The following ARHGAP32 variants were observed in gnomAD, a reference collection of about 807,000 sequenced individuals.
The protein encoded by ARHGAP32 is rho GTPase-activating protein 32.
Under a neutral mutation model 186.5 loss-of-function variants are expected in ARHGAP32, and 51 were observed. That is an observed-to-expected ratio of 0.27 (90% confidence interval 0.22 to 0.35). The LOEUF is 0.35. ARHGAP32 is among the 10% of genes least tolerant of loss of function. The pLI is 1.00. For synonymous variants in ARHGAP32, 950 were observed against 964.3 expected, an observed-to-expected ratio of 0.99 and a Z score of 0.27; for missense variants, 2,186 against 2,623.5, an observed-to-expected ratio of 0.83 and a Z score of 3.64.
In ARHGAP32 at chr11:129,018,875, C is replaced by A. The variant is rs192879669; in HGVS notation, c.1046-20407G>T. Among the ~76,000 whole-genome samples, 104 of 152,206 alleles carry A rather than the reference C, an allele frequency of 6.8e-4. 1 individual carries two copies. Among genetic ancestry groups the A allele is most frequent in the South Asian group, 5.4e-3 (26 of 4,816 alleles). Reference sequence around the variant, plus strand: ...TACAAGTATTCTATAGAAAAATATACCCTTTTGAAACTTTTCCTTTTTATA... The same window carrying A: ...TACAAGTATTCTATAGAAAAATATAACCTTTTGAAACTTTTCCTTTTTATA... On this transcript the variant is annotated intron_variant, in intron 11 of 22. Coordinates refer to ENST00000682385, the MANE Select transcript of ARHGAP32 (RefSeq NM_001378024.1).
At chr11:128,975,091 A>T (rs1412167136) in intron 20 of ARHGAP32, 89 bp from the exon 21 acceptor site, 1 of 1,038,230 alleles carries the variant, frequency 9.6e-7, no homozygotes. Context: ...GCAGTAACTT[A>T]CTATCTAGGT....
intron 12 of ARHGAP32, among the ~76,000 whole-genome samples, chr11:128,997,073 C>A (rs539508992): frequency 3.9e-5 from 6 of 152,080 alleles, no homozygotes; most frequent in Non-Finnish European, 8.8e-5. Context: ...GCTACTGCAC[C>A]CAGTGAAAAC....
At chr11:129,101,918 G>A (rs1029569450) in intron 5 of ARHGAP32, among the ~76,000 whole-genome samples, 2 of 152,178 alleles carry the variant, frequency 1.3e-5, no homozygotes, top group African/African-American at 4.8e-5. Flanking sequence ...ATTCTCCAAG[G>A]TCGAAATGAA....
intron 1 of ARHGAP32, among the ~76,000 whole-genome samples, chr11:129,264,620 G>A (rs1945369678): frequency 6.6e-6 from 1 of 152,200 alleles, no homozygotes; most frequent in Admixed American, 6.5e-5. Context: ...GGCTCTCCTT[G>A]AAGCTCAAGC....
At chr11:129,028,055 T>C (rs1008170423) in intron 11 of ARHGAP32, among the ~76,000 whole-genome samples, 1 of 152,258 alleles carries the variant, frequency 6.6e-6, no homozygotes, top group African/African-American at 2.4e-5. Context: ...TTTTGGTAAC[T>C]ATAATGAAAA....
chr11:129,200,377 C>T (rs1944442908), intron 1 of ARHGAP32, among the ~76,000 whole-genome samples: 1 of 152,054 alleles, frequency 6.6e-6, no homozygotes, highest in Non-Finnish European at 1.5e-5. Context: ...TGGGAGGGAC[C>T]CAGTGGGTGA....
intron 1 of ARHGAP32, among the ~76,000 whole-genome samples, chr11:129,268,875 T>G (rs1225242686): frequency 6.6e-6 from 1 of 152,126 alleles, no homozygotes; most frequent in Non-Finnish European, 1.5e-5. Flanking sequence ...CTAGCACCTC[T>G]CTATCATCAA....
intron 1 of ARHGAP32, chr11:129,203,190 T>G (rs1482385268): frequency 6.6e-6 from 1 of 152,206 alleles, no homozygotes; most frequent in Non-Finnish European, 1.5e-5. Context: ...TCGAATCTAG[T>G]GATCTTAGGA....
chr11:129,141,013 T>G (rs1212435246), intron 2 of ARHGAP32, among the ~76,000 whole-genome samples: 1 of 152,208 alleles, frequency 6.6e-6, no homozygotes, highest in African/African-American at 2.4e-5. Flanking sequence ...TTCCTTTACC[T>G]ATGGCAACTC....
chr11:129,203,851 T>C (rs865827727), intron 1 of ARHGAP32, among the ~76,000 whole-genome samples: 2 of 149,956 alleles, frequency 1.3e-5, no homozygotes, highest in South Asian at 2.1e-4. Context: ...TGAGCTGTGA[T>C]TGTGCCACTA....
chr11:128,992,225 C>T (rs1005148370), intron 12 of ARHGAP32, among the ~76,000 whole-genome samples: 1 of 152,108 alleles, frequency 6.6e-6, no homozygotes, highest in African/African-American at 2.4e-5. Context: ...ACAGAGAGTC[C>T]TCTCCGAGGG....
At chr11:129,181,511 C>T (rs904496061) in intron 1 of ARHGAP32, among the ~76,000 whole-genome samples, 1 of 152,092 alleles carries the variant, frequency 6.6e-6, no homozygotes, top group Non-Finnish European at 1.5e-5. Context: ...AATAAATTTT[C>T]CTACTTTTCA....
intron 5 of ARHGAP32, among the ~76,000 whole-genome samples, chr11:129,111,951 G>A (rs952903502): frequency 1.3e-5 from 2 of 151,940 alleles, no homozygotes; most frequent in African/African-American, 4.8e-5. Flanking sequence ...TAGTAGAGAT[G>A]GGGTTTCACC....
chr11:129,013,945 C>T (rs1021306016), intron 11 of ARHGAP32, among the ~76,000 whole-genome samples: 1 of 152,170 alleles, frequency 6.6e-6, no homozygotes, highest in African/African-American at 2.4e-5. Context: ...CTACAGAACA[C>T]TGGCAAGCAA....
At chr11:129,194,737 G>C (rs1423187465), upstream of ARHGAP32, among the ~76,000 whole-genome samples, 1 of 151,650 alleles carries the variant, frequency 6.6e-6, no homozygotes, top group African/African-American at 2.4e-5. Context: ...TGGGCAACAA[G>C]AGTGAAACTC....
At chr11:129,222,888 A>G (rs796974898) in intron 1 of ARHGAP32, among the ~76,000 whole-genome samples, 8 of 152,290 alleles carry the variant, frequency 5.3e-5, no homozygotes, top group African/African-American at 1.9e-4. Flanking sequence ...GGGGGTAGAA[A>G]AAGGATATTG....
At chr11:129,157,387 T>G (rs945906298) in intron 2 of ARHGAP32, among the ~76,000 whole-genome samples, 2 of 152,118 alleles carry the variant, frequency 1.3e-5, no homozygotes, top group Middle Eastern at 3.4e-3. Flanking sequence ...TAACATAAAT[T>G]ACTTGATGGA....
intron 5 of ARHGAP32, among the ~76,000 whole-genome samples, chr11:129,109,830 G>A (rs182485896): frequency 6.6e-6 from 1 of 151,854 alleles, no homozygotes; most frequent in East Asian, 1.9e-4. Context: ...TGATTTGTTT[G>A]AATTCCTTGT....
intron 11 of ARHGAP32, among the ~76,000 whole-genome samples, chr11:129,011,107 A>C (rs1040326802): frequency 3.3e-5 from 5 of 152,242 alleles, no homozygotes; most frequent in Non-Finnish European, 7.3e-5. Flanking sequence ...CTGATGGCAG[A>C]CAATGAATGA....
Sources: allele counts gnomAD v4.1 joint callset (sites outside exome capture counted in the v4.1 genomes callset), GRCh38; gene constraint gnomAD v4.1.1; transcripts MANE v1.5; gene names NCBI Gene and HGNC (gene_info 2026-07-23, HGNC 2026-07-21).